UGT1A8: variants seen among roughly 807,000 people sequenced by gnomAD.
UGT1A8 encodes the protein UDP glucuronosyltransferase family 1 member A8.
Under a neutral mutation model 45.3 loss-of-function variants are expected in UGT1A8, and 39 were observed. The observed-to-expected ratio is 0.86, with a 90% CI of 0.67 to 1.12. UGT1A8 has a LOEUF of 1.12. Ranked by LOEUF, UGT1A8 falls within the 50% of genes most tolerant of loss-of-function variation. UGT1A8 has a pLI of 0.00. For missense variants in UGT1A8, 719 were observed against 664.9 expected, an observed-to-expected ratio of 1.08 and a Z score of -0.90; for synonymous variants, 275 against 249.2, an observed-to-expected ratio of 1.10 and a Z score of -0.97.
chr2:233,617,963 C>A lies in UGT1A8; in HGVS notation c.256C>A (p.Leu86Met), dbSNP rs1205928952. The change falls in exon 1 of 5, where the codon CTG becomes ATG. Residue 86 changes from leucine (L) to methionine (M), a missense_variant. Transcript: ENST00000373450. ...CTCAACCTCATACACTCTGGAGGAT[C>A]TGGACCGGGAATTCATGGATTTCGC... ...TYSTSYTLEDLDREFMDFADA... is the reference protein window; with the variant it reads ...TYSTSYTLEDMDREFMDFADA... 1.2e-6 allele frequency: 2 copies of A among 1,614,086 alleles called. No individual in the cohort carries two copies. Among genetic ancestry groups the A allele is most frequent in the Non-Finnish European group, 1.7e-6 (2 of 1,180,052 alleles).
Position 233,618,277 on chromosome 2 carries a change from C to T in UGT1A8, c.570C>T (p.Val190=). Reference sequence around the variant, plus strand: ...AGTGCCCTGCTCCTCTTTCCTATGTCCCCAGAATTCTCTTAGGGTTCTCAG... The same window carrying T: ...AGTGCCCTGCTCCTCTTTCCTATGTTCCCAGAATTCTCTTAGGGTTCTCAG... ...GAQCPAPLSY[V]PRILLGFSDA... Residue 190 remains valine (V), a synonymous_variant, in exon 1 of 5, where the codon GTC becomes GTT. Transcript: ENST00000373450. The T allele has an allele frequency of 6.2e-7, 1 of 1,613,862 alleles. No homozygotes were observed.
At chr2:233,638,441 A>T (rs1242564914) in intron 1 of UGT1A8, among the ~76,000 whole-genome samples, 1 of 152,200 alleles carries the variant, frequency 6.6e-6, no homozygotes, top group East Asian at 1.9e-4. Context: ...ATACAATACC[A>T]TCTGCAAGTA....
At chr2:233,748,449 C>G (rs756497529) in intron 1 of UGT1A8, among the ~76,000 whole-genome samples, 2 of 151,714 alleles carry the variant, frequency 1.3e-5, no homozygotes, top group Non-Finnish European at 2.9e-5. Context: ...GCACAATTTT[C>G]AGGGGAAAGA....
chr2:233,658,227 C>T (rs2073897086), intron 1 of UGT1A8, among the ~76,000 whole-genome samples: 1 of 152,108 alleles, frequency 6.6e-6, no homozygotes, highest in Non-Finnish European at 1.5e-5. Context: ...CCATGTTGAC[C>T]AGGCTGGCCT....
In UGT1A8 at chr2:233,696,102, C is replaced by T. The variant is rs1474928596; in HGVS notation, c.856-70932C>T. On this transcript the variant is annotated intron_variant, in intron 1 of 4. Coordinates refer to ENST00000373450, the MANE Select transcript of UGT1A8 (RefSeq NM_019076.5). ...AGTATGGAGAGTCTTCAAAACAAAACAAAACAAAAAGAACTAGAACTGCCC... is the reference window on the plus strand; with the variant it reads ...AGTATGGAGAGTCTTCAAAACAAAATAAAACAAAAAGAACTAGAACTGCCC... Among the ~76,000 whole-genome samples, 3 of 152,080 alleles carry T rather than the reference C, an allele frequency of 2.0e-5. No individual in the cohort carries two copies. The East Asian group carries it at 5.8e-4, about 29-fold the overall frequency.
intron 1 of UGT1A8, among the ~76,000 whole-genome samples, chr2:233,687,820 C>G (rs1264868576): frequency 1.3e-5 from 2 of 152,068 alleles, no homozygotes; most frequent in Non-Finnish European, 2.9e-5. Context: ...GTGGGAGGAT[C>G]TCCTGTAAAC....
chr2:233,719,465 C>G (rs1204222582), intron 1 of UGT1A8: 1 of 1,613,994 alleles, frequency 6.2e-7, no homozygotes. Context: ...AGAACATGCT[C>G]TACCCTCTGG....
At chr2:233,716,411 C>T (rs1382859700) in intron 1 of UGT1A8, among the ~76,000 whole-genome samples, 1 of 152,134 alleles carries the variant, frequency 6.6e-6, no homozygotes, top group Non-Finnish European at 1.5e-5. Flanking sequence ...GTGAAACCCA[C>T]ATCTTATTCA....
In UGT1A8 at chr2:233,650,598, C is replaced by T. The variant is rs2073714569; in HGVS notation, c.855+32036C>T. 2.0e-5 allele frequency among the ~76,000 whole-genome samples: 3 copies of T among 152,154 alleles called. 1 individual carries two copies. The highest frequency in any genetic ancestry group is 2.0e-4 in the Admixed American group (3 of 15,278). ...TTACTCATTTGTAAACTGCAAATTT[C>T]TTTTGACCATTTTTCCCATTAACTT... On this transcript the variant is annotated intron_variant, in intron 1 of 4. Coordinates refer to ENST00000373450, the MANE Select transcript of UGT1A8 (RefSeq NM_019076.5).
chr2:233,740,339 A>T (rs1249228201), intron 1 of UGT1A8, among the ~76,000 whole-genome samples: 1 of 151,952 alleles, frequency 6.6e-6, no homozygotes, highest in Admixed American at 6.5e-5. Context: ...GAGAAAGTTG[A>T]TGAGAAAGTG....
chr2:233,658,001 G>A (rs1439256459), intron 1 of UGT1A8, among the ~76,000 whole-genome samples: 1 of 147,382 alleles, frequency 6.8e-6, no homozygotes, highest in Non-Finnish European at 1.5e-5. Context: ...TTCATATCCT[G>A]TGCCTAGTTT....
At chr2:233,740,525 C>G (rs1027411226) in intron 1 of UGT1A8, among the ~76,000 whole-genome samples, 1 of 151,910 alleles carries the variant, frequency 6.6e-6, no homozygotes, top group Non-Finnish European at 1.5e-5. Context: ...GAACTAAAAT[C>G]AGCTGTGTTG....
intron 1 of UGT1A8, among the ~76,000 whole-genome samples, chr2:233,736,830 T>C (rs917006233): frequency 6.6e-6 from 1 of 152,234 alleles, no homozygotes; most frequent in African/African-American, 2.4e-5. Flanking sequence ...TGCTCTTTGC[T>C]TTGGTATCAC....
intron 1 of UGT1A8, among the ~76,000 whole-genome samples, chr2:233,678,756 A>G (rs1033605150): frequency 2.9e-5 from 3 of 102,106 alleles, no homozygotes; most frequent in African/African-American, 9.3e-5. Flanking sequence ...ACTCATCTCT[A>G]TCAGGTCATC....
intron 1 of UGT1A8, among the ~76,000 whole-genome samples, chr2:233,627,648 C>CATTT (rs2073111246): frequency 6.8e-6 from 1 of 146,030 alleles, no homozygotes; most frequent in Non-Finnish European, 1.5e-5. Context: ...TTCCTTCCTT[C>CATTT]CTTCCTTCCT....
At chr2:233,724,276 C>T (rs2077203543) in intron 1 of UGT1A8, among the ~76,000 whole-genome samples, 1 of 135,960 alleles carries the variant, frequency 7.4e-6, no homozygotes, top group Non-Finnish European at 1.6e-5. Flanking sequence ...GGGCGGCTGG[C>T]CGGGCGGGGG....
chr2:233,698,203 C>T (rs1223732655), intron 1 of UGT1A8, among the ~76,000 whole-genome samples: 1 of 152,214 alleles, frequency 6.6e-6, no homozygotes, highest in South Asian at 2.1e-4. Context: ...TCAACATGCA[C>T]TTTTAATTAT....
In UGT1A8 at chr2:233,756,630, T is replaced by C. The variant is rs563087338; in HGVS notation, c.856-10404T>C. On this transcript the variant is annotated intron_variant, in intron 1 of 4. Transcript: ENST00000373450. ...CATTAAGACTTGCAGGCCGTGTGTA[T>C]AGCACTGGGGATAAACATGGGATGC... Among the ~76,000 whole-genome samples the C allele has an allele frequency of 2.1e-3, 314 of 152,296 alleles. 12 individuals carry two copies. In the South Asian group the frequency reaches 0.063, roughly 31 times the overall value.
chr2:233,651,252 G>A (rs2073732109), intron 1 of UGT1A8, among the ~76,000 whole-genome samples: 1 of 152,088 alleles, frequency 6.6e-6, no homozygotes, highest in African/African-American at 2.4e-5. Flanking sequence ...GTGGGATCCT[G>A]CCACTTCCTG....
Sources: allele counts gnomAD v4.1 joint callset (sites outside exome capture counted in the v4.1 genomes callset), GRCh38; gene constraint gnomAD v4.1.1; transcripts MANE v1.5; gene names NCBI Gene and HGNC (gene_info 2026-07-23, HGNC 2026-07-21).